AFAP1: variants seen among roughly 807,000 people sequenced by gnomAD.
AFAP1 encodes actin filament-associated protein 1.
Under a neutral mutation model 93.9 loss-of-function variants are expected in AFAP1, and 75 were observed. That is an observed-to-expected ratio of 0.80 (90% CI 0.66 to 0.97). The LOEUF (loss-of-function observed/expected upper bound fraction) is 0.97. Among genes scored for constraint, AFAP1 ranks in the 50% least tolerant of loss-of-function variants. The probability of loss-of-function intolerance (pLI) is 0.00; values close to 1 mark genes in which losing one functional copy is unlikely to be tolerated. For synonymous variants in AFAP1, 517 were observed against 430.7 expected, an observed-to-expected ratio of 1.20 and a Z score of -2.48; for missense variants, 1,201 against 1,050.8, an observed-to-expected ratio of 1.14 and a Z score of -1.98.
At position 7,838,683 on chromosome 4, in the gene AFAP1, G is replaced by A. The variant is rs778387428; in HGVS notation, c.567C>T (p.Asp189=). The part of the protein sequence containing the change: ...TKLLCYKSSK[D]QQPQMELPLQ... ...GTGGCAGTTCCATCTGAGGCTGCTG[G>A]TCCTTGGAACTTTTATAGCACTGCA... is the stretch of plus-strand genomic sequence containing the variant. The change falls in exon 6 of 18, where the codon GAC becomes GAT. Residue 189 remains aspartate, a synonymous_variant. Transcript: ENST00000420658. 3 of 1,613,968 alleles carry A rather than the reference G, an allele frequency of 1.9e-6. No homozygotes were observed. The highest frequency in any genetic ancestry group is 2.2e-5 in the South Asian group (2 of 91,066).
intron 16 of AFAP1, among the ~76,000 whole-genome samples, chr4:7,770,623 A>G (rs565111853): frequency 6.6e-6 from 1 of 152,308 alleles, no homozygotes; most frequent in Admixed American, 6.5e-5. Flanking sequence ...GAATCCTTAA[A>G]TGCTTGGAAA....
chr4:7,775,068 G>T, intron 14 of AFAP1, 165 bp from the exon 15 acceptor site: 5 of 802,488 alleles, frequency 6.2e-6, no homozygotes, highest in Non-Finnish European at 9.5e-6. Flanking sequence ...TTGAGCTTGG[G>T]AGCTTGAGGC....
intron 1 of AFAP1, among the ~76,000 whole-genome samples, chr4:7,928,882 C>G (rs1720914393): frequency 6.6e-6 from 1 of 152,218 alleles, no homozygotes; most frequent in Admixed American, 6.5e-5. Flanking sequence ...CTCCAAGGTT[C>G]TGTAATTCAC....
At chr4:7,793,173 T>A (rs543213657) in intron 11 of AFAP1, among the ~76,000 whole-genome samples, 5,998 of 150,598 alleles carry the variant, frequency 0.04, 300 homozygotes, top group African/African-American at 0.12. Context: ...TTTTTTTTTT[T>A]AAAAAAATCA....
At chr4:7,926,549 C>T (rs1436169197) in intron 1 of AFAP1, among the ~76,000 whole-genome samples, 1 of 152,136 alleles carries the variant, frequency 6.6e-6, no homozygotes, top group African/African-American at 2.4e-5. Flanking sequence ...ACCCTCTACC[C>T]AAGGAGGAGA....
rs372012578 is a variant in AFAP1 at position 7,778,731 on chromosome 4, C to T, written c.1897+31G>A. The T allele has an allele frequency of 1.6e-5, 26 of 1,600,450 alleles. No individual in the cohort carries two copies. The South Asian group carries it at 2.5e-4, about 16-fold the overall frequency. ...CAGCTCCACCAAGTGCACTTGAAGC[C>T]GGAATGCAAGACATCCGATGGTATA... On this transcript the variant is annotated intron_variant, in intron 14 of 17. Coordinates refer to ENST00000420658, the MANE Select transcript of AFAP1 (RefSeq NM_001134647.2).
chr4:7,868,631 C>G lies in AFAP1; in HGVS notation c.216G>C (p.Gln72His), dbSNP rs772272510. The G allele has an allele frequency of 3.9e-5, 63 of 1,611,764 alleles. No individual in the cohort carries two copies. The highest frequency in any genetic ancestry group is 3.0e-4 in the Admixed American group (18 of 59,936). Residue 72 changes from glutamine to histidine, a missense_variant, in exon 3 of 18, where the codon CAG (glutamine) becomes CAC (histidine). Physicochemically the swap from Gln to His is conservative, Grantham distance 24 (BLOSUM62 0). Transcript: ENST00000420658. ...TGGGACCTTGACTCACCAGCCAGGGCTGAGGGATCTCCGGCAGGGGCATCT... is the reference window on the plus strand; with the variant it reads ...TGGGACCTTGACTCACCAGCCAGGGGTGAGGGATCTCCGGCAGGGGCATCT... ...PPQMPLPEIP[Q>H]PWLPPDSGPP...
intron 16 of AFAP1, 71 bp from the exon 17 acceptor site, chr4:7,769,079 A>G (rs1715036440): frequency 2.0e-6 from 3 of 1,480,160 alleles, no homozygotes; most frequent in Non-Finnish European, 2.7e-6. Context: ...CAGGAAAATG[A>G]TTTATTTCAA....
intron 2 of AFAP1, among the ~76,000 whole-genome samples, chr4:7,869,178 G>A (rs1055298935): frequency 6.6e-6 from 1 of 150,640 alleles, no homozygotes; most frequent in Admixed American, 6.6e-5. Context: ...GAAAAGAAAA[G>A]AGAAAAGAAA....
intron 11 of AFAP1, among the ~76,000 whole-genome samples, chr4:7,787,740 A>AAC (rs1486764182): frequency 1.3e-5 from 2 of 152,128 alleles, no homozygotes; most frequent in Non-Finnish European, 2.9e-5. Context: ...GCCTCCGCCC[A>AAC]ACACCCCCAG....
intron 11 of AFAP1, among the ~76,000 whole-genome samples, chr4:7,792,595 G>C (rs1218695317): frequency 6.6e-6 from 1 of 151,636 alleles, no homozygotes; most frequent in Non-Finnish European, 1.5e-5. Flanking sequence ...GCTTTTTAAA[G>C]TAAAAATAAA....
chr4:7,810,949 A>C (rs1424927867), intron 8 of AFAP1, among the ~76,000 whole-genome samples: 1 of 152,194 alleles, frequency 6.6e-6, no homozygotes, highest in Non-Finnish European at 1.5e-5. Flanking sequence ...CCTCCGGCGG[A>C]ATTGCAGGGG....
At chr4:7,765,993 C>T (rs185472419) in intron 17 of AFAP1, among the ~76,000 whole-genome samples, 13 of 152,322 alleles carry the variant, frequency 8.5e-5, no homozygotes, top group Admixed American at 4.6e-4. Flanking sequence ...TTTCCAGGGG[C>T]TCATTAACTG....
At chr4:7,849,698 G>C (rs73795057) in intron 4 of AFAP1, among the ~76,000 whole-genome samples, 1 of 152,256 alleles carries the variant, frequency 6.6e-6, no homozygotes, top group Non-Finnish European at 1.5e-5. Context: ...CTTTCCCCTC[G>C]ATCCTTCCAG....
intron 6 of AFAP1, among the ~76,000 whole-genome samples, chr4:7,828,361 C>CT (rs1721617037): frequency 2.6e-5 from 4 of 152,160 alleles, no homozygotes. Flanking sequence ...AGATGGTTGC[C>CT]TTAGGGTGTT....
intron 10 of AFAP1, among the ~76,000 whole-genome samples, chr4:7,799,951 G>A (rs370226422): frequency 2.0e-5 from 3 of 152,262 alleles, no homozygotes; most frequent in Non-Finnish European, 2.9e-5. Context: ...CTCACTGGCC[G>A]CCGTCTATAA....
At chr4:7,911,574 C>CAT (rs1457928450) in intron 1 of AFAP1, among the ~76,000 whole-genome samples, 2 of 152,218 alleles carry the variant, frequency 1.3e-5, no homozygotes, top group Non-Finnish European at 2.9e-5. Context: ...AGCAGCCTTG[C>CAT]GTGATCCCTT....
chr4:7,864,047 A>ATTCCCAACTTCCCATCACAACACC (rs1560207783), intron 3 of AFAP1, among the ~76,000 whole-genome samples: 3 of 33,554 alleles, frequency 8.9e-5, no homozygotes, highest in Admixed American at 3.9e-4. Flanking sequence ...ATCACAACCC[A>ATTCCCAACTTCCCATCACAACACC]TTCCCAACTT....
chr4:7,855,629 T>C, intron 3 of AFAP1, 55 bp from the exon 4 acceptor site: 1 of 1,399,100 alleles, frequency 7.1e-7, no homozygotes, highest in Non-Finnish European at 1.0e-6. Context: ...AGAAGGAAAT[T>C]CTGGATTTCC....
Sources: allele counts gnomAD v4.1 joint callset (sites outside exome capture counted in the v4.1 genomes callset), GRCh38; gene constraint gnomAD v4.1.1; transcripts MANE v1.5; gene names NCBI Gene and HGNC (gene_info 2026-07-23, HGNC 2026-07-21).